The following FSTL4 variants were observed in gnomAD, a reference collection of about 807,000 sequenced individuals.
FSTL4 encodes follistatin-related protein 4.
FSTL4 carries 28 observed loss-of-function variants against 78.2 expected under a neutral mutation model. That is an observed-to-expected ratio of 0.36 (90% CI 0.27 to 0.49). The LOEUF is 0.49. Among genes scored for constraint, FSTL4 ranks in the 20% least tolerant of loss-of-function variants. FSTL4 has a pLI of 0.98. For synonymous variants in FSTL4, 422 were observed against 440.5 expected (o/e 0.96, Z 0.53); for missense variants, 922 against 1,084.9 (o/e 0.85, Z 2.11).
chr5:133,498,655 T>A (rs892231175), intron 3 of FSTL4, among the ~76,000 whole-genome samples: 2 of 150,812 alleles, frequency 1.3e-5, no homozygotes, highest in East Asian at 3.9e-4. Context: ...GAGGTGGAGG[T>A]TGCAGTGAGC....
At chr5:133,223,741 A>G (rs57176642) in intron 11 of FSTL4, among the ~76,000 whole-genome samples, 14,210 of 152,270 alleles carry the variant, frequency 0.093, 2,115 homozygotes, top group African/African-American at 0.31. Context: ...AAAAATATAC[A>G]TTGGCAGAAA....
rs1297491221 is a variant in FSTL4, at chr5:133,349,293, C to CTGTGTGTGTG, written c.410-32642_410-32641insCACACACACA. 8.0e-4 allele frequency among the ~76,000 whole-genome samples: 79 copies of CTGTGTGTGTG among 99,302 alleles called. 1 individual carries two copies. The highest frequency in any genetic ancestry group is 0.01 in the Middle Eastern group (2 of 198). The allele number at this position is 99,302 out of a possible 152,430, so 65.1% of individuals were successfully genotyped here. A position where few individuals can be genotyped will look rare whatever the true frequency, so the allele number is the denominator to read the frequency against. Reference sequence around the variant, plus strand: ...GTGCTCCCCTGTTGAAAGCCTCTCTCTCTGTGTGTGTGTGTGTGTGTGTGT... The same window carrying CTGTGTGTGTG: ...GTGCTCCCCTGTTGAAAGCCTCTCTCTGTGTGTGTGTCTGTGTGTGTGTGTGTGTGTGTGT... On this transcript the variant is annotated intron_variant, in intron 4 of 15. Transcript: ENST00000265342.
the FSTL4 span, among the ~76,000 whole-genome samples, chr5:133,687,984 G>T: frequency 3.3e-5 from 5 of 152,342 alleles, no homozygotes; most frequent in African/African-American, 1.2e-4. Flanking sequence ...GAAAAAGGGG[G>T]AAATAGAAGG....
intron 4 of FSTL4, among the ~76,000 whole-genome samples, chr5:133,354,904 G>C (rs574571706): frequency 6.6e-6 from 1 of 152,250 alleles, no homozygotes; most frequent in East Asian, 1.9e-4. Context: ...TGTCACTGCC[G>C]TGCTGGCCTG....
At chr5:133,659,696 CT>C in the FSTL4 span, among the ~76,000 whole-genome samples, 1 of 150,882 alleles carries the variant, frequency 6.6e-6, no homozygotes, top group Admixed American at 6.6e-5. Flanking sequence ...TTCCCCTTTC[CT>C]TTCTTATATT....
the FSTL4 span, among the ~76,000 whole-genome samples, chr5:133,746,240 A>G: frequency 2.0e-5 from 3 of 152,204 alleles, no homozygotes; most frequent in Non-Finnish European, 4.4e-5. Flanking sequence ...AGCAAACAAT[A>G]TATTACTCTG....
At chr5:133,543,927 T>C (rs991096704) in intron 3 of FSTL4, among the ~76,000 whole-genome samples, 5 of 152,158 alleles carry the variant, frequency 3.3e-5, no homozygotes, top group Non-Finnish European at 7.4e-5. Context: ...TTGAAAGTTA[T>C]GCTTTGTTAG....
At chr5:133,476,278 T>A (rs1757923691) in intron 3 of FSTL4, among the ~76,000 whole-genome samples, 1 of 152,170 alleles carries the variant, frequency 6.6e-6, no homozygotes, top group South Asian at 2.1e-4. Flanking sequence ...ATGAAGGAAC[T>A]GGGCGGCTAG....
intron 4 of FSTL4, among the ~76,000 whole-genome samples, chr5:133,320,789 C>CCT (rs1561670821): frequency 6.6e-5 from 10 of 152,118 alleles, no homozygotes; most frequent in African/African-American, 2.4e-4. Flanking sequence ...GGGCGGATCA[C>CCT]GAGGTCAGGA....
At chr5:133,827,859 A>G in the FSTL4 span, among the ~76,000 whole-genome samples, 1 of 151,988 alleles carries the variant, frequency 6.6e-6, no homozygotes, top group Admixed American at 6.6e-5. Flanking sequence ...CTTGCAGGCT[A>G]TAAGGATCAA....
At chr5:133,807,040 C>T in the FSTL4 span, among the ~76,000 whole-genome samples, 1 of 152,150 alleles carries the variant, frequency 6.6e-6, no homozygotes, top group Non-Finnish European at 1.5e-5. Flanking sequence ...GCATAAGTTT[C>T]ATGGATATTC....
chr5:133,626,708 A>C, the FSTL4 span, among the ~76,000 whole-genome samples: 2 of 151,930 alleles, frequency 1.3e-5, no homozygotes, highest in Non-Finnish European at 2.9e-5. Context: ...GTACCTTTCT[A>C]TATGGATTTC....
At chr5:133,625,822 TATATATTCC>T in the FSTL4 span, among the ~76,000 whole-genome samples, 36 of 89,510 alleles carry the variant, frequency 4.0e-4, no homozygotes, top group Non-Finnish European at 7.5e-4. Flanking sequence ...ATATTCCATA[TATATATTCC>T]ATATATATAT....
chr5:133,219,858 C>G (rs1751034923), intron 12 of FSTL4, among the ~76,000 whole-genome samples: 1 of 152,226 alleles, frequency 6.6e-6, no homozygotes, highest in Non-Finnish European at 1.5e-5. Flanking sequence ...ATTGCTGGAA[C>G]TCTTTCTAAC....
chr5:133,267,633 C>T (rs919766352), intron 6 of FSTL4, among the ~76,000 whole-genome samples: 11 of 152,156 alleles, frequency 7.2e-5, no homozygotes, highest in African/African-American at 2.7e-4. Flanking sequence ...GCTCTCCTGC[C>T]AGTGGATACC....
chr5:133,830,531 C>A, the FSTL4 span, among the ~76,000 whole-genome samples: 15 of 152,218 alleles, frequency 9.9e-5, no homozygotes. Context: ...AGGGAAGGGA[C>A]ACAGAAGCAC....
In FSTL4 at chr5:133,472,033, G is replaced by C. The variant is rs186272430; in HGVS notation, c.161-71047C>G. 4.5e-3 allele frequency among the ~76,000 whole-genome samples: 683 copies of C among 152,210 alleles called. 15 individuals carry two copies. Among genetic ancestry groups the C allele is most frequent in the Non-Finnish European group, 3.7e-3 (249 of 68,020 alleles). On this transcript the variant is annotated intron_variant, in intron 3 of 15. Transcript: ENST00000265342. ...TCATCCTTGTCCATAGTGACCTTGG[G>C]GGCCACACTATAGAAGGAATCTGGT...
chr5:133,761,837 C>G, the FSTL4 span, among the ~76,000 whole-genome samples: 1 of 152,190 alleles, frequency 6.6e-6, no homozygotes, highest in African/African-American at 2.4e-5. Flanking sequence ...CCGCATCACA[C>G]CAGTCATTTC....
chr5:133,815,226 G>C, the FSTL4 span, among the ~76,000 whole-genome samples: 2 of 152,186 alleles, frequency 1.3e-5, no homozygotes, highest in African/African-American at 4.8e-5. Context: ...TAGCTGGAAG[G>C]GGTCTTGCAG....
Sources: allele counts gnomAD v4.1 joint callset (sites outside exome capture counted in the v4.1 genomes callset), GRCh38; gene constraint gnomAD v4.1.1; transcripts MANE v1.5; gene names NCBI Gene and HGNC (gene_info 2026-07-23, HGNC 2026-07-21).